UBAC2: variants seen among roughly 807,000 people sequenced by gnomAD.
The protein encoded by UBAC2 is ubiquitin-associated domain-containing protein 2.
Under a neutral mutation model 44.0 loss-of-function variants are expected in UBAC2, and 26 were observed. The ratio of observed to expected loss-of-function variants is 0.59; its 90% confidence interval spans 0.43 to 0.82. The LOEUF is 0.82. Ranked by LOEUF, UBAC2 falls within the 40% of genes least tolerant of loss-of-function variation. The probability of loss-of-function intolerance (pLI) is 0.00; values close to 1 mark genes in which losing one functional copy is unlikely to be tolerated. For synonymous variants in UBAC2, 155 were observed against 154.3 expected (o/e 1.00, Z -0.04); for missense variants, 329 against 419.4 (o/e 0.78, Z 1.88).
At chr13:99,247,173 A>G (rs2043393824) in intron 4 of UBAC2, among the ~76,000 whole-genome samples, 1 of 150,694 alleles carries the variant, frequency 6.6e-6, no homozygotes, top group South Asian at 2.1e-4. Context: ...AAAGCTTCAA[A>G]AACTAAAGAG....
intron 6 of UBAC2, among the ~76,000 whole-genome samples, chr13:99,323,074 G>C (rs564766539): frequency 1.3e-5 from 2 of 152,144 alleles, no homozygotes; most frequent in African/African-American, 4.8e-5. Context: ...GGGATGGTAG[G>C]TGTGAGTTCC....
chr13:99,207,131 C>T (rs1395449462), intron 1 of UBAC2, among the ~76,000 whole-genome samples: 1 of 152,224 alleles, frequency 6.6e-6, no homozygotes, highest in African/African-American at 2.4e-5. Context: ...AGTGGCACCC[C>T]TCCCTGAGTT....
chr13:99,283,935 A>C (rs998394758), intron 4 of UBAC2, among the ~76,000 whole-genome samples: 4 of 151,896 alleles, frequency 2.6e-5, no homozygotes, highest in Non-Finnish European at 5.9e-5. Context: ...GTGTTTCACC[A>C]TGTAGGTCAG....
intron 5 of UBAC2, 112 bp downstream of exon 5, chr13:99,314,332 A>C (rs1245712850): frequency 7.8e-7 from 1 of 1,275,804 alleles, no homozygotes; most frequent in African/African-American, 1.6e-5. Context: ...TTCCCCCCAT[A>C]ATCTTGGCTT....
chr13:99,249,550 C>T (rs968570075), intron 4 of UBAC2, among the ~76,000 whole-genome samples: 6 of 152,284 alleles, frequency 3.9e-5, no homozygotes, highest in South Asian at 2.1e-4. Flanking sequence ...CTTTTGGCTA[C>T]GTACTCAGTA....
chr13:99,326,332 A>C (rs941352422), intron 6 of UBAC2, among the ~76,000 whole-genome samples: 7 of 152,038 alleles, frequency 4.6e-5, no homozygotes, highest in African/African-American at 1.7e-4. Flanking sequence ...GGCCATTTGT[A>C]TGTCTTCTTT....
chr13:99,346,210 C>G (rs1342648207), intron 7 of UBAC2, among the ~76,000 whole-genome samples: 2 of 152,172 alleles, frequency 1.3e-5, no homozygotes, highest in African/African-American at 4.8e-5. Flanking sequence ...CAAAGAGTCT[C>G]CCTCCTTGAT....
At chr13:99,244,076 A>G (rs898958819) in intron 3 of UBAC2, 125 bp downstream of exon 3, 157 of 799,578 alleles carry the variant, frequency 2.0e-4, no homozygotes, top group Non-Finnish European at 2.7e-4. Context: ...ACTATTCTGT[A>G]TCTGATTTGA....
At position 99,349,417 on chromosome 13, in the gene UBAC2, G is replaced by A. The variant is rs144461236; in HGVS notation, c.807+8852G>A. On this transcript the variant is annotated intron_variant, in intron 7 of 8. Coordinates refer to ENST00000403766, the MANE Select transcript of UBAC2 (RefSeq NM_001144072.2). ...GAGATTGTAATAAATAAAGACACAA[G>A]ACAAAGAGATAAAGAGAAAACAGCT... 8.1e-3 allele frequency among the ~76,000 whole-genome samples: 1,235 copies of A among 152,296 alleles called. 11 individuals carry two copies. The highest frequency in any genetic ancestry group is 0.056 in the South Asian group (269 of 4,826).
In UBAC2 at chr13:99,385,461, C is replaced by A; in HGVS notation, c.*126C>A. 1.3e-6 allele frequency: 1 copy of A among 741,432 alleles called. No individual in the cohort carries two copies. Among genetic ancestry groups the A allele is most frequent in the Non-Finnish European group, 2.3e-6 (1 of 437,004 alleles). 45.9% of individuals were successfully genotyped at this position (741,432 alleles called of 1,614,324 possible). On this transcript the variant is annotated 3_prime_UTR_variant, in exon 9 of 9. Coordinates refer to ENST00000403766, the MANE Select transcript of UBAC2 (RefSeq NM_001144072.2). ...TTCTTGTGGGAAGAGGGAGGTTCCA[C>A]CGCACCCCTGCCCTCAACCGCAAGA... is the stretch of plus-strand genomic sequence containing the variant.
chr13:99,349,903 T>C (rs1488040785), intron 7 of UBAC2, among the ~76,000 whole-genome samples: 1 of 152,086 alleles, frequency 6.6e-6, no homozygotes, highest in East Asian at 1.9e-4. Flanking sequence ...GAGTGTTCCC[T>C]GACTCCTCCA....
At chr13:99,230,711 A>T (rs2043162451) in intron 1 of UBAC2, among the ~76,000 whole-genome samples, 1 of 152,050 alleles carries the variant, frequency 6.6e-6, no homozygotes, top group Non-Finnish European at 1.5e-5. Context: ...TTTCTTACAC[A>T]TTGTCACTCT....
At chr13:99,332,548 G>T (rs930019302) in intron 6 of UBAC2, among the ~76,000 whole-genome samples, 1 of 152,174 alleles carries the variant, frequency 6.6e-6, no homozygotes, top group Non-Finnish European at 1.5e-5. Context: ...GCCAGCGTGG[G>T]TCTTTGGCCT....
intron 1 of UBAC2, chr13:99,201,667 A>G: frequency 9.2e-7 from 1 of 1,090,838 alleles, no homozygotes; most frequent in Non-Finnish European, 1.3e-6. Context: ...ACAGTTAGGC[A>G]CGGGTACAGC....
At chr13:99,229,581 C>T (rs1051506518) in intron 1 of UBAC2, among the ~76,000 whole-genome samples, 1 of 152,156 alleles carries the variant, frequency 6.6e-6, no homozygotes, top group East Asian at 1.9e-4. Context: ...ATTGCAGCCT[C>T]GTTTTAGGAA....
At chr13:99,244,054 CTT>C (rs1036159210) in intron 3 of UBAC2, 103 bp downstream of exon 3, 4 of 975,840 alleles carry the variant, frequency 4.1e-6, no homozygotes, top group Non-Finnish European at 5.8e-6. Context: ...TTACAGTTAT[CTT>C]TTTAATTACA....
intron 4 of UBAC2, among the ~76,000 whole-genome samples, chr13:99,251,883 G>C (rs1401089047): frequency 2.0e-5 from 3 of 152,060 alleles, no homozygotes; most frequent in African/African-American, 7.2e-5. Context: ...AATTAAAGAA[G>C]GTCTCTTACG....
chr13:99,291,858 C>T (rs955799396), intron 4 of UBAC2, among the ~76,000 whole-genome samples: 4 of 152,086 alleles, frequency 2.6e-5, no homozygotes, highest in African/African-American at 9.7e-5. Flanking sequence ...ACAAAACATA[C>T]GTTATCAATT....
At chr13:99,315,037 A>T (rs554761502) in intron 5 of UBAC2, among the ~76,000 whole-genome samples, 1 of 152,226 alleles carries the variant, frequency 6.6e-6, no homozygotes, top group Admixed American at 6.5e-5. Flanking sequence ...TCACTTCAGA[A>T]TGCCTTCCTC....
Sources: allele counts gnomAD v4.1 joint callset (sites outside exome capture counted in the v4.1 genomes callset), GRCh38; gene constraint gnomAD v4.1.1; transcripts MANE v1.5; gene names NCBI Gene and HGNC (gene_info 2026-07-23, HGNC 2026-07-21).